The following CFAP90 variants were observed in gnomAD, a reference collection of about 807,000 sequenced individuals.
CFAP90 encodes the protein cilia and flagella associated protein 90, also known as cilia- and flagella-associated protein 90.
At chr5:7,847,140 G>GAA in the CFAP90 span, among the ~76,000 whole-genome samples, 5 of 152,194 alleles carry the variant, frequency 3.3e-5, no homozygotes, top group Non-Finnish European at 5.9e-5. Flanking sequence ...TGGTCCTGCA[G>GAA]CTGATTAAAT....
chr5:7,833,376 CACAT>C, the CFAP90 span, among the ~76,000 whole-genome samples: 416 of 133,880 alleles, frequency 3.1e-3, no homozygotes, highest in Middle Eastern at 0.022. Context: ...CATATATACA[CACAT>C]AATATATACA....
chr5:7,840,584 T>C, the CFAP90 span, among the ~76,000 whole-genome samples: 116 of 152,196 alleles, frequency 7.6e-4, no homozygotes, highest in African/African-American at 2.7e-3. Flanking sequence ...GAAGTGCAGG[T>C]GACTGAAGGT....
At chr5:7,850,921 C>G in the CFAP90 span, 5 of 1,360,658 alleles carry the variant, frequency 3.7e-6, no homozygotes, top group Admixed American at 1.4e-4. Context: ...GTCCAGGCGC[C>G]GCGGCGGGAT....
At chr5:7,833,307 A>G in the CFAP90 span, among the ~76,000 whole-genome samples, 1 of 152,222 alleles carries the variant, frequency 6.6e-6, no homozygotes, top group African/African-American at 2.4e-5. Flanking sequence ...ACACATATGT[A>G]CACACATGTA....
chr5:7,833,552 C>T, the CFAP90 span, among the ~76,000 whole-genome samples: 6 of 152,030 alleles, frequency 3.9e-5, no homozygotes, highest in Non-Finnish European at 7.4e-5. Context: ...CACAGGTACA[C>T]ATATTACACA....
At chr5:7,831,957 G>C in the CFAP90 span, 1 of 1,614,152 alleles carries the variant, frequency 6.2e-7, no homozygotes, top group South Asian at 1.1e-5. Context: ...TCCCGGTTTA[G>C]GGGCTCAATG....
chr5:7,834,575 C>T, the CFAP90 span, among the ~76,000 whole-genome samples: 9 of 152,142 alleles, frequency 5.9e-5, no homozygotes, highest in African/African-American at 9.7e-5. Context: ...CACATTCACT[C>T]ACCACTCACT....
chr5:7,841,096 T>G, the CFAP90 span, among the ~76,000 whole-genome samples: 4 of 152,028 alleles, frequency 2.6e-5, no homozygotes, highest in Non-Finnish European at 5.9e-5. Context: ...CCAATGTATC[T>G]GACAAAGGTC....
chr5:7,838,262 T>A, the CFAP90 span, among the ~76,000 whole-genome samples: 1 of 152,126 alleles, frequency 6.6e-6, no homozygotes, highest in Non-Finnish European at 1.5e-5. Context: ...AGGAAAAATG[T>A]CAGAAAATAT....
At chr5:7,848,029 T>C in the CFAP90 span, among the ~76,000 whole-genome samples, 2 of 152,252 alleles carry the variant, frequency 1.3e-5, no homozygotes, top group African/African-American at 2.4e-5. Context: ...CCTTATTTTT[T>C]CCACTGTTTA....
chr5:7,850,587 G>T, the CFAP90 span, among the ~76,000 whole-genome samples: 5 of 136,190 alleles, frequency 3.7e-5, no homozygotes, highest in African/African-American at 1.4e-4. Flanking sequence ...CTCCCCTAAG[G>T]TAACCCCGCC....
chr5:7,838,746 C>G, the CFAP90 span, among the ~76,000 whole-genome samples: 78 of 152,296 alleles, frequency 5.1e-4, no homozygotes, highest in African/African-American at 1.9e-3. Context: ...TTGGGGAGAA[C>G]AGCTGCAGTG....
the CFAP90 span, among the ~76,000 whole-genome samples, chr5:7,832,540 T>C: frequency 2.0e-5 from 3 of 152,180 alleles, no homozygotes; most frequent in Non-Finnish European, 2.9e-5. Context: ...CTTGCTCTTG[T>C]CGCCCAGGCT....
chr5:7,830,600 C>CA, the CFAP90 span: 5 of 152,052 alleles, frequency 3.3e-5, no homozygotes, highest in Admixed American at 6.5e-5. Context: ...AAACTGTTTT[C>CA]AAAAAAATAA....
chr5:7,850,892 A>G, the CFAP90 span: 1 of 1,345,888 alleles, frequency 7.4e-7, no homozygotes, highest in Non-Finnish European at 9.6e-7. Flanking sequence ...GGGCGGTAGT[A>G]GTAGCTGTGC....
At chr5:7,834,592 C>T in the CFAP90 span, among the ~76,000 whole-genome samples, 1 of 152,136 alleles carries the variant, frequency 6.6e-6, no homozygotes, top group African/African-American at 2.4e-5. Flanking sequence ...CACTCCCTGA[C>T]TCACCCAGAG....
the CFAP90 span, chr5:7,851,117 G>A: frequency 1.6e-6 from 2 of 1,213,936 alleles, no homozygotes; most frequent in Non-Finnish European, 2.1e-6. Context: ...CTCAGCGCCA[G>A]CGTCTAGCCC....
At chr5:7,850,242 C>T in the CFAP90 span, among the ~76,000 whole-genome samples, 6,177 of 152,040 alleles carry the variant, frequency 0.041, 176 homozygotes, top group Non-Finnish European at 0.06. Context: ...CCCTCCCTGT[C>T]TCCCCAGCTG....
the CFAP90 span, chr5:7,850,979 C>A: frequency 1.5e-6 from 2 of 1,307,062 alleles, no homozygotes; most frequent in Non-Finnish European, 9.7e-7. Context: ...CTGGGCTTGC[C>A]CCGCAGCGTG....
Sources: allele counts gnomAD v4.1 joint callset (sites outside exome capture counted in the v4.1 genomes callset), GRCh38; gene constraint gnomAD v4.1.1; transcripts MANE v1.5; gene names NCBI Gene and HGNC (gene_info 2026-07-23, HGNC 2026-07-21).